ADAM32: variants seen among roughly 807,000 people sequenced by gnomAD.
ADAM32 encodes ADAM metallopeptidase domain 32.
A neutral mutation model predicts 114.9 loss-of-function variants in ADAM32; 89 were observed. That is an observed-to-expected ratio of 0.77 (90% CI 0.65 to 0.92). The LOEUF (loss-of-function observed/expected upper bound fraction) is 0.92. ADAM32 is among the 40% of genes least tolerant of loss of function. The pLI, the probability that ADAM32 is intolerant of heterozygous loss-of-function variation, is 0.00. For missense variants in ADAM32, 870 were observed against 932.8 expected (o/e 0.93, Z 0.88); for synonymous variants, 285 against 307.5 (o/e 0.93, Z 0.77).
intron 17 of ADAM32, among the ~76,000 whole-genome samples, chr8:39,253,078 G>A (rs1028703348): frequency 3.3e-5 from 5 of 151,506 alleles, no homozygotes; most frequent in East Asian, 1.9e-4. Flanking sequence ...TATATTTGCC[G>A]CACGTTAAAA....
chr8:39,243,252 G>T (rs2129449929), intron 16 of ADAM32, among the ~76,000 whole-genome samples: 1 of 152,218 alleles, frequency 6.6e-6, no homozygotes, highest in Non-Finnish European at 1.5e-5. Context: ...TCAAAAGATA[G>T]AGAAAGAGGG....
At chr8:39,263,941 G>A (rs1812196178) in intron 19 of ADAM32, among the ~76,000 whole-genome samples, 1 of 152,020 alleles carries the variant, frequency 6.6e-6, no homozygotes, top group Admixed American at 6.6e-5. Context: ...CATATTTTCA[G>A]TGTATAATTT....
At chr8:39,174,104 C>A (rs184078842) in intron 10 of ADAM32, among the ~76,000 whole-genome samples, 1 of 152,174 alleles carries the variant, frequency 6.6e-6, no homozygotes, top group Non-Finnish European at 1.5e-5. Context: ...GGGTTACAGG[C>A]GTGAGCCACC....
Position 39,274,407 on chromosome 8 carries a change from TA to T in ADAM32, c.2240+59del. On this transcript the variant is annotated intron_variant, in intron 21 of 24. Coordinates refer to ENST00000379907, the MANE Select transcript of ADAM32 (RefSeq NM_145004.7). ...ATGTTGAAAATTAAGAATTTATTGATAATTCACAATTTATTTCTAAATATTT... is the reference window on the plus strand; with the variant it reads ...ATGTTGAAAATTAAGAATTTATTGATATTCACAATTTATTTCTAAATATTT... 3 of 1,535,400 alleles carry T rather than the reference TA, an allele frequency of 2.0e-6. No homozygotes were observed. In the South Asian group the frequency reaches 3.5e-5, roughly 18 times the overall value.
intron 14 of ADAM32, among the ~76,000 whole-genome samples, chr8:39,231,271 A>T (rs756255905): frequency 6.6e-6 from 1 of 152,114 alleles, no homozygotes; most frequent in Admixed American, 6.6e-5. Flanking sequence ...GTGCCATGTG[A>T]CTAGGACCTG....
At position 39,146,602 on chromosome 8, in the gene ADAM32, G is replaced by A. The variant is rs151112066; in HGVS notation, c.201-528G>A. Among the ~76,000 whole-genome samples the A allele has an allele frequency of 7.8e-3, 1,178 of 151,918 alleles. 6 individuals are homozygous for A. The highest frequency in any genetic ancestry group is 0.011 in the Non-Finnish European group (728 of 67,942). The stretch of plus-strand genomic sequence containing the variant: ...ATTTTTGTATTTTTAGTAGAGACGG[G>A]GTTTCACCATGTTGGCCAGGCTGGT... On this transcript the variant is annotated intron_variant, in intron 3 of 24. Transcript: ENST00000379907.
chr8:39,114,767 A>G (rs1840307422), intron 1 of ADAM32, among the ~76,000 whole-genome samples: 1 of 152,132 alleles, frequency 6.6e-6, no homozygotes, highest in Non-Finnish European at 1.5e-5. Flanking sequence ...GGTTTGTTAC[A>G]TGGGTAAATT....
intron 10 of ADAM32, among the ~76,000 whole-genome samples, chr8:39,170,908 T>C (rs1805144537): frequency 6.6e-6 from 1 of 151,922 alleles, no homozygotes; most frequent in Non-Finnish European, 1.5e-5. Flanking sequence ...GGTACAAAAT[T>C]ACAGTCAGGT....
intron 14 of ADAM32, among the ~76,000 whole-genome samples, chr8:39,225,432 GTGTT>G (rs1188705520): frequency 2.6e-5 from 4 of 152,166 alleles, no homozygotes; most frequent in African/African-American, 9.7e-5. Flanking sequence ...CTCTTCATGT[GTGTT>G]TGTGATTCAG....
At chr8:39,151,296 T>G in intron 5 of ADAM32, 81 bp from the exon 6 acceptor site, 2 of 1,245,044 alleles carry the variant, frequency 1.6e-6, no homozygotes, top group Non-Finnish European at 2.2e-6. Context: ...ACGTTTTATT[T>G]TTTTTTCTTT....
intron 22 of ADAM32, among the ~76,000 whole-genome samples, chr8:39,277,997 A>G (rs1585710455): frequency 6.6e-6 from 1 of 152,218 alleles, no homozygotes; most frequent in Non-Finnish European, 1.5e-5. Flanking sequence ...TCTGGCATCC[A>G]GGAAAAATGA....
At chr8:39,123,704 C>CT (rs34747712) in intron 2 of ADAM32, among the ~76,000 whole-genome samples, 54,654 of 132,020 alleles carry the variant, frequency 0.41, 11,473 homozygotes, top group East Asian at 0.57. Context: ...ATTTTCTTTC[C>CT]TTTTTTTTTT....
chr8:39,223,446 A>T (rs1809126863), intron 14 of ADAM32: 1 of 271,264 alleles, frequency 3.7e-6, no homozygotes, highest in South Asian at 1.7e-4. Context: ...TTATATGTAT[A>T]AGCAAACATA....
At chr8:39,136,086 C>T (rs6994035) in intron 2 of ADAM32, among the ~76,000 whole-genome samples, 65,134 of 151,902 alleles carry the variant, frequency 0.43, 14,169 homozygotes, top group East Asian at 0.59. Context: ...TTCACGTGTT[C>T]CCTTTTGCTC....
At chr8:39,265,704 TGGCAGG>T (rs1465737621) in intron 19 of ADAM32, among the ~76,000 whole-genome samples, 2 of 152,166 alleles carry the variant, frequency 1.3e-5, no homozygotes, top group African/African-American at 4.8e-5. Flanking sequence ...GATTTTGTGG[TGGCAGG>T]TAGCTGGTTG....
intron 22 of ADAM32, among the ~76,000 whole-genome samples, chr8:39,277,818 G>A (rs1013874677): frequency 5.9e-5 from 9 of 152,326 alleles, no homozygotes; most frequent in South Asian, 2.1e-4. Flanking sequence ...CTGTGACTCC[G>A]AAAACCCCAG....
intron 10 of ADAM32, among the ~76,000 whole-genome samples, chr8:39,180,099 G>T (rs373803888): frequency 3.6e-4 from 55 of 152,206 alleles, no homozygotes; most frequent in African/African-American, 1.3e-3. Context: ...CCCTCAGCTT[G>T]CAGGGAGGTG....
chr8:39,234,945 T>A (rs1330820516), intron 16 of ADAM32, among the ~76,000 whole-genome samples: 1 of 152,130 alleles, frequency 6.6e-6, no homozygotes, highest in Non-Finnish European at 1.5e-5. Flanking sequence ...CCTAAAGCAA[T>A]CCATACCCTA....
chr8:39,211,362 A>G (rs560782844), intron 12 of ADAM32, 38 bp downstream of exon 12: 57 of 1,403,444 alleles, frequency 4.1e-5, no homozygotes, highest in African/African-American at 8.9e-5. Flanking sequence ...TAATAAATTT[A>G]TTGTTTTAAT....
Sources: allele counts gnomAD v4.1 joint callset (sites outside exome capture counted in the v4.1 genomes callset), GRCh38; gene constraint gnomAD v4.1.1; transcripts MANE v1.5; gene names NCBI Gene and HGNC (gene_info 2026-07-23, HGNC 2026-07-21).